Variants in ENTPD5 observed in about 807,000 individuals in gnomAD.
ENTPD5 encodes ectonucleoside triphosphate diphosphohydrolase 5 (inactive).
Under a neutral mutation model 60.2 loss-of-function variants are expected in ENTPD5, and 49 were observed. The ratio of observed to expected loss-of-function variants is 0.81; its 90% confidence interval spans 0.65 to 1.03. ENTPD5 has a LOEUF of 1.03. ENTPD5 is among the 50% of genes least tolerant of loss of function. ENTPD5 has a pLI of 0.00. For synonymous variants in ENTPD5, 187 were observed against 185.4 expected, an observed-to-expected ratio of 1.01 and a Z score of -0.07; for missense variants, 480 against 507.6, an observed-to-expected ratio of 0.95 and a Z score of 0.52.
At chr14:74,018,079 G>C (rs769792738) in intron 1 of ENTPD5, among the ~76,000 whole-genome samples, 2 of 152,014 alleles carry the variant, frequency 1.3e-5, no homozygotes, top group African/African-American at 4.8e-5. Context: ...TTACTGGGGA[G>C]GCTGAGGCAG....
At chr14:73,979,693 G>C (rs1364645371) in intron 6 of ENTPD5, among the ~76,000 whole-genome samples, 1 of 152,048 alleles carries the variant, frequency 6.6e-6, no homozygotes, top group Non-Finnish European at 1.5e-5. Flanking sequence ...GGATGGTCTC[G>C]ATCTCCTAAC....
chr14:73,970,884 G>A (rs765228765), intron 14 of ENTPD5, among the ~76,000 whole-genome samples: 23 of 151,718 alleles, frequency 1.5e-4, no homozygotes, highest in Non-Finnish European at 2.6e-4. Context: ...GGAGTGCAGT[G>A]GCATGATCAC....
chr14:73,991,995 G>A (rs936533546), intron 3 of ENTPD5, among the ~76,000 whole-genome samples: 4 of 149,820 alleles, frequency 2.7e-5, no homozygotes, highest in Middle Eastern at 3.5e-3. Flanking sequence ...GCGAAACTCC[G>A]TCTCACAAAA....
downstream of ENTPD5, chr14:73,962,748 T>C: frequency 1.8e-6 from 1 of 561,854 alleles, no homozygotes; most frequent in Middle Eastern, 4.8e-4. Context: ...GCCTAGGAGT[T>C]TGAGGCTGCA....
At position 73,994,892 on chromosome 14, in the gene ENTPD5, G is replaced by A. The variant is rs1004093453; in HGVS notation, c.-70-6720C>T. 9.2e-5 allele frequency among the ~76,000 whole-genome samples: 14 copies of A among 151,812 alleles called. 1 individual carries two copies. In the East Asian group the frequency reaches 2.7e-3, roughly 29 times the overall value. ...CCTTATTTAAAATTATAACCCATCTGACCACATCATGTTTTCCTATCTTCC... is the reference window on the plus strand; with the variant it reads ...CCTTATTTAAAATTATAACCCATCTAACCACATCATGTTTTCCTATCTTCC... On this transcript the variant is annotated intron_variant, in intron 3 of 15. Coordinates refer to ENST00000334696, the MANE Select transcript of ENTPD5 (RefSeq NM_001249.5).
At position 73,970,016 on chromosome 14, in the gene ENTPD5, G is replaced by T; in HGVS notation, c.1194C>A (p.Val398=). ...CTGGTGTCCTGTCTCTTACCTGTAAGACTGTGCTGTCTGCAAAGCCAAAGC... is the reference window on the plus strand; with the variant it reads ...CTGGTGTCCTGTCTCTTACCTGTAATACTGTGCTGTCTGCAAAGCCAAAGC... ...KDGFGFADST[V]LQLTKKVNNI... is the part of the protein sequence containing the mutation. Residue 398 remains valine (V), a synonymous_variant, in exon 15 of 16, where the codon GTC becomes GTA. Coordinates refer to ENST00000334696, the MANE Select transcript of ENTPD5 (RefSeq NM_001249.5). 6.2e-7 allele frequency: 1 copy of T among 1,611,124 alleles called. No individual in the cohort carries two copies. The highest frequency in any genetic ancestry group is 1.1e-5 in the South Asian group (1 of 91,026).
chr14:73,973,885 T>G lies in ENTPD5; in HGVS notation c.878A>C (p.Asn293Thr). The change falls in exon 12 of 16, where the codon AAC (asparagine) becomes ACC (threonine). Residue 293 changes from asparagine to threonine, a missense_variant. By Grantham distance (65) the Asn-to-Thr change is moderately conservative (BLOSUM62 0). Coordinates refer to ENST00000334696, the MANE Select transcript of ENTPD5 (RefSeq NM_001249.5). ...FGGVKYQYGG[N>T]QEGEVGFEPC... ...GAAAAAACATCACTTGCCTTCTTGG[T>G]TGCCACCATACTGGTATTTCACACC... 1 of 1,613,970 alleles carries G rather than the reference T, an allele frequency of 6.2e-7. No individual in the cohort carries two copies. Among genetic ancestry groups the G allele is most frequent in the South Asian group, 1.1e-5 (1 of 91,074 alleles).
chr14:73,958,510 C>T (rs2056551663), downstream of ENTPD5: 1 of 1,358,554 alleles, frequency 7.4e-7, no homozygotes, highest in East Asian at 3.3e-5. Context: ...AGCTGGGCCT[C>T]ACAGGACAGG....
intron 3 of ENTPD5, among the ~76,000 whole-genome samples, chr14:74,010,393 A>C (rs544346844): frequency 1.1e-4 from 17 of 152,248 alleles, no homozygotes; most frequent in Non-Finnish European, 1.8e-4. Context: ...TGTCTCTACT[A>C]AAAATACAAA....
At chr14:73,955,542 G>A (rs200192324), downstream of ENTPD5, 8 of 1,583,766 alleles carry the variant, frequency 5.1e-6, no homozygotes, top group East Asian at 2.2e-5. Flanking sequence ...TTGTCAAGAT[G>A]TCTTGGTCTG....
intron 1 of ENTPD5, among the ~76,000 whole-genome samples, chr14:74,018,323 A>C (rs1027769691): frequency 6.6e-6 from 1 of 152,202 alleles, no homozygotes; most frequent in Non-Finnish European, 1.5e-5. Flanking sequence ...ATCGGGAAGG[A>C]GTGTACGGAT....
In ENTPD5 at chr14:73,965,573, A is replaced by C. The variant is rs1052503937; in HGVS notation, c.*1355T>G. The C allele has an allele frequency of 5.3e-5, 8 of 152,190 alleles. No individual in the cohort carries two copies. The highest frequency in any genetic ancestry group is 1.2e-4 in the Non-Finnish European group (8 of 68,038). 9.4% of individuals were successfully genotyped at this position (152,190 alleles called of 1,614,324 possible). A position where few individuals can be genotyped will look rare whatever the true frequency, so the allele number is the denominator to read the frequency against. The stretch of plus-strand genomic sequence containing the variant: ...CCCCATCTCTACTACAAATACAAAA[A>C]TTAGCCAGGAATGGTGGTGGGCACC... On this transcript the variant is annotated 3_prime_UTR_variant, in exon 16 of 16. Coordinates refer to ENST00000334696, the MANE Select transcript of ENTPD5 (RefSeq NM_001249.5).
chr14:73,955,718 T>G, downstream of ENTPD5: 1 of 1,590,928 alleles, frequency 6.3e-7, no homozygotes, highest in Non-Finnish European at 8.6e-7. Flanking sequence ...GATTTTCTGC[T>G]CTGTCACTTG....
intron 3 of ENTPD5, among the ~76,000 whole-genome samples, chr14:74,004,014 A>C (rs780430344): frequency 1.3e-5 from 2 of 152,098 alleles, no homozygotes; most frequent in African/African-American, 2.4e-5. Context: ...CTGAGGCAGA[A>C]GGATCACTTA....
At chr14:73,958,468 C>A, downstream of ENTPD5, 1 of 1,444,996 alleles carries the variant, frequency 6.9e-7, no homozygotes. Flanking sequence ...GGAGCAATCT[C>A]ATGGGCCGTC....
chr14:73,985,929 G>C (rs888091178), intron 5 of ENTPD5, among the ~76,000 whole-genome samples: 4 of 151,636 alleles, frequency 2.6e-5, no homozygotes, highest in African/African-American at 4.8e-5. Flanking sequence ...AAAATTAGCC[G>C]GGCATGGTGG....
chr14:73,976,197 G>A (rs1047564421), intron 9 of ENTPD5, 127 bp downstream of exon 9: 29 of 868,428 alleles, frequency 3.3e-5, no homozygotes, highest in Non-Finnish European at 5.0e-5. Flanking sequence ...CATTCACCTA[G>A]TTATTAATTG....
At position 73,969,473 on chromosome 14, in the gene ENTPD5, C is replaced by T. The variant is rs947637616; in HGVS notation, c.1200+537G>A. On this transcript the variant is annotated intron_variant, in intron 15 of 15. Coordinates refer to ENST00000334696, the MANE Select transcript of ENTPD5 (RefSeq NM_001249.5). ...TTGGGAGTTCGAGGTGGGCGGATCA[C>T]CTGAGGTCAGGAGTTCTCAGGAGTT... Among the ~76,000 whole-genome samples the T allele has an allele frequency of 3.3e-5, 5 of 152,214 alleles. No individual in the cohort carries two copies. In the East Asian group the frequency reaches 9.7e-4, roughly 29 times the overall value.
At chr14:74,006,476 G>A (rs1338237345) in intron 3 of ENTPD5, among the ~76,000 whole-genome samples, 1 of 151,814 alleles carries the variant, frequency 6.6e-6, no homozygotes, top group Non-Finnish European at 1.5e-5. Flanking sequence ...GCAGAGACGG[G>A]GTTTCACTGT....
Sources: gnomAD v4.1 joint callset for allele counts (sites outside exome capture counted in the v4.1 genomes callset) on GRCh38, gnomAD v4.1.1 for gene constraint, MANE v1.5 for transcripts, NCBI Gene and HGNC (gene_info 2026-07-23, HGNC 2026-07-21) for gene names.